RUSF1: variants seen among roughly 807,000 people sequenced by gnomAD.
The protein encoded by RUSF1 is RUS family member 1.
Under a neutral mutation model 63.0 loss-of-function variants are expected in RUSF1, and 58 were observed. The ratio of observed to expected loss-of-function variants is 0.92; its 90% CI spans 0.75 to 1.15. The LOEUF (loss-of-function observed/expected upper bound fraction) is 1.15. RUSF1 is among the 50% of genes most tolerant of loss of function. The pLI is 0.00. For synonymous variants in RUSF1, 274 were observed against 255.8 expected, an observed-to-expected ratio of 1.07 and a Z score of -0.68; for missense variants, 652 against 611.0, an observed-to-expected ratio of 1.07 and a Z score of -0.71.
At chr16:31,507,041 C>T (rs1567400450) in intron 2 of RUSF1, among the ~76,000 whole-genome samples, 2 of 152,152 alleles carry the variant, frequency 1.3e-5, no homozygotes, top group Non-Finnish European at 2.9e-5. Context: ...AATGTAATTG[C>T]GGGTTTTCCA....
chr16:31,501,478 C>G (rs1331146787), intron 2 of RUSF1, among the ~76,000 whole-genome samples: 1 of 151,982 alleles, frequency 6.6e-6, no homozygotes, highest in Non-Finnish European at 1.5e-5. Context: ...TGCCTGTAGT[C>G]CCAGCTACTT....
intron 6 of RUSF1, among the ~76,000 whole-genome samples, chr16:31,496,603 C>CCCCA (rs2082604138): frequency 1.3e-5 from 2 of 152,310 alleles, no homozygotes; most frequent in South Asian, 4.1e-4. Context: ...CCAGCTTGCA[C>CCCCA]GGTGGGGTCT....
At position 31,493,667 on chromosome 16, in the gene RUSF1, G is replaced by A; in HGVS notation, c.894C>T (p.His298=). 2 of 1,614,228 alleles carry A rather than the reference G, an allele frequency of 1.2e-6. No homozygotes were observed. Among genetic ancestry groups the A allele is most frequent in the Admixed American group, 1.7e-5 (1 of 60,024 alleles). ...NEGRLRLVLK[H]YLQRGEVLDP... Reference sequence around the variant, plus strand: ...CGAGTACCTCTCCCCTCTGAAGGTAGTGCTTCAGGACCAGCCGGAGCCGGC... The same window carrying A: ...CGAGTACCTCTCCCCTCTGAAGGTAATGCTTCAGGACCAGCCGGAGCCGGC... The change falls in exon 8 of 13, where the codon CAC becomes CAT. Residue 298 remains histidine (H), a synonymous_variant. Coordinates refer to ENST00000327237, the MANE Select transcript of RUSF1 (RefSeq NM_022744.4).
Position 31,492,096 on chromosome 16 carries a change from G to T in RUSF1, c.1232-10C>A, listed in dbSNP as rs773927232. ...CTCTCTTTCTTAGGACCTGGGTACGGGGGTGCAGAACCAGAAGCTCTGTGT... is the reference window on the plus strand; with the variant it reads ...CTCTCTTTCTTAGGACCTGGGTACGTGGGTGCAGAACCAGAAGCTCTGTGT... On this transcript the variant is annotated splice_polypyrimidine_tract_variant and intron_variant, in intron 11 of 12. Transcript: ENST00000327237. 2 of 1,614,146 alleles carry T rather than the reference G, an allele frequency of 1.2e-6. No individual in the cohort carries two copies. Among genetic ancestry groups the T allele is most frequent in the Non-Finnish European group, 8.5e-7 (1 of 1,179,994 alleles).
chr16:31,499,630 A>T lies in RUSF1; in HGVS notation c.462-105T>A. ...CAGTAAAGTCTGAAGAGCTCAGGAA[A>T]ACCCACACCCCCAGACAGACATCTG... On this transcript the variant is annotated intron_variant, in intron 3 of 12. Transcript: ENST00000327237. 3.7e-6 allele frequency: 4 copies of T among 1,078,172 alleles called. No homozygotes were observed. In the South Asian group the frequency reaches 5.1e-5, roughly 14 times the overall value. 66.8% of individuals were successfully genotyped at this position (1,078,172 alleles called of 1,614,324 possible).
intron 2 of RUSF1, among the ~76,000 whole-genome samples, chr16:31,504,337 C>T (rs1297794484): frequency 6.6e-5 from 10 of 152,094 alleles, no homozygotes; most frequent in African/African-American, 1.2e-4. Context: ...GGCACTATCT[C>T]GGTTCAGTGC....
Position 31,493,015 on chromosome 16 carries a change from G to A in RUSF1, c.1050C>T (p.His350=), listed in dbSNP as rs373527322. 7 of 1,613,612 alleles carry A rather than the reference G, an allele frequency of 4.3e-6. No homozygotes were observed. The highest frequency in any genetic ancestry group is 4.0e-5 in the African/African-American group (3 of 74,908). ...CCCAGCAGAGGAGGTAGGATTCTTG[G>A]TGCCCCTCAACCAGCTGCTGCAGCT... ...VFELQQLVEG[H]QESYLLCWDQ... The change falls in exon 10 of 13, where the codon CAC becomes CAT. Residue 350 remains histidine, a synonymous_variant. Transcript: ENST00000327237.
At chr16:31,494,945 A>G (rs1209160970) in intron 6 of RUSF1, among the ~76,000 whole-genome samples, 4 of 152,180 alleles carry the variant, frequency 2.6e-5, no homozygotes, top group Non-Finnish European at 5.9e-5. Context: ...AAGTGCTGGG[A>G]TAACAGGCAT....
intron 3 of RUSF1, among the ~76,000 whole-genome samples, chr16:31,500,195 G>A (rs2082625649): frequency 6.6e-6 from 1 of 152,152 alleles, no homozygotes; most frequent in Non-Finnish European, 1.5e-5. Context: ...TGCAGCATTA[G>A]GCCCGAGTCT....
chr16:31,490,808 C>G lies in RUSF1; in HGVS notation c.*27G>C, dbSNP rs933865609. ...AGTGTCCTTGCTCCAGGTTCCTGCC[C>G]TGGGCTTGGGCCTCCGTCTGGGCTG... On this transcript the variant is annotated 3_prime_UTR_variant, in exon 13 of 13. Transcript: ENST00000327237. 1.9e-6 allele frequency: 3 copies of G among 1,612,394 alleles called. No homozygotes were observed. The highest frequency in any genetic ancestry group is 1.7e-4 in the Middle Eastern group (1 of 6,058).
intron 5 of RUSF1, among the ~76,000 whole-genome samples, chr16:31,498,422 C>A (rs1473414895): frequency 6.6e-6 from 1 of 152,186 alleles, no homozygotes; most frequent in African/African-American, 2.4e-5. Flanking sequence ...TCCTCTACCA[C>A]AAGGAACCGT....
intron 2 of RUSF1, among the ~76,000 whole-genome samples, chr16:31,505,281 G>A (rs931286863): frequency 6.6e-6 from 1 of 152,054 alleles, no homozygotes; most frequent in African/African-American, 2.4e-5. Context: ...TCCTTTGCTC[G>A]CATGTTTTCC....
intron 2 of RUSF1, among the ~76,000 whole-genome samples, chr16:31,507,195 C>T (rs1347220996): frequency 1.3e-5 from 2 of 152,134 alleles, no homozygotes; most frequent in African/African-American, 4.8e-5. Flanking sequence ...GTAACAATTT[C>T]CCTTTTCTGT....
Position 31,508,366 on chromosome 16 carries a change from T to G in RUSF1, c.8A>C (p.Asp3Ala). Reference protein sequence around the residue: MADDAGLETPLCS... With the variant: MAADAGLETPLCS... ...CAGCGGGGTCTCCAAACCCGCGTCG[T>G]CAGCCATGCCGAGCTTTTGGATCCC... The change falls in exon 1 of 13, where the codon GAC (aspartate) becomes GCC (alanine). Residue 3 changes from aspartate to alanine, a missense_variant. By Grantham distance (126) the Asp-to-Ala change is moderately radical. Transcript: ENST00000327237. 6.6e-7 allele frequency: 1 copy of G among 1,512,272 alleles called. No homozygotes were observed. Among genetic ancestry groups the G allele is most frequent in the South Asian group, 1.3e-5 (1 of 79,820 alleles). The allele number at this position is 1,512,272 out of a possible 1,614,324, so 93.7% of individuals were successfully genotyped here.
At chr16:31,491,618 CTTTTT>C (rs955069758) in intron 12 of RUSF1, among the ~76,000 whole-genome samples, 2 of 122,992 alleles carry the variant, frequency 1.6e-5, no homozygotes, top group East Asian at 2.4e-4. Flanking sequence ...GCCCGACAGT[CTTTTT>C]TTTTTTTTTT....
rs776789822 is a variant in RUSF1, at chr16:31,490,296, C to T, written c.*539G>A. ...TTCCCGCAAACTAACTGCAGGGCCT[C>T]AATTTCCCTCAGAGCCCCAGGCCCC... On this transcript the variant is annotated 3_prime_UTR_variant, in exon 13 of 13. Transcript: ENST00000327237. The T allele has an allele frequency of 1.2e-6, 2 of 1,613,054 alleles. No individual in the cohort carries two copies. The highest frequency in any genetic ancestry group is 1.7e-6 in the Non-Finnish European group (2 of 1,179,648).
At position 31,490,014 on chromosome 16, in the gene RUSF1, C is replaced by A; in HGVS notation, c.*821G>T. ...GTAGACTGGACAGAGGTGGGTAGGGCAGGCAGTGACGAGCTGGTGTGCAAG... is the reference window on the plus strand; with the variant it reads ...GTAGACTGGACAGAGGTGGGTAGGGAAGGCAGTGACGAGCTGGTGTGCAAG... On this transcript the variant is annotated 3_prime_UTR_variant, in exon 13 of 13. Coordinates refer to ENST00000327237, the MANE Select transcript of RUSF1 (RefSeq NM_022744.4). 3 of 1,551,124 alleles carry A rather than the reference C, an allele frequency of 1.9e-6. No individual in the cohort carries two copies. Among genetic ancestry groups the A allele is most frequent in the South Asian group, 1.1e-5 (1 of 86,980 alleles).
At chr16:31,503,050 A>G (rs2082640518) in intron 2 of RUSF1, among the ~76,000 whole-genome samples, 1 of 152,248 alleles carries the variant, frequency 6.6e-6, no homozygotes. Context: ...AGAGGCATTT[A>G]CAGGACAAAT....
chr16:31,502,936 C>G (rs889701598), intron 2 of RUSF1, among the ~76,000 whole-genome samples: 8 of 152,360 alleles, frequency 5.3e-5, no homozygotes, highest in African/African-American at 1.9e-4. Flanking sequence ...AGCTCAGACT[C>G]TATTTTTCTT....
Sources: gnomAD v4.1 joint callset for allele counts (sites outside exome capture counted in the v4.1 genomes callset) on GRCh38, gnomAD v4.1.1 for gene constraint, MANE v1.5 for transcripts, NCBI Gene and HGNC (gene_info 2026-07-23, HGNC 2026-07-21) for gene names.